Variants in ALS2 observed in about 807,000 individuals in gnomAD.
ALS2 encodes alsin Rho guanine nucleotide exchange factor ALS2, also known as alsin.
A neutral mutation model predicts 203.4 loss-of-function variants in ALS2; 117 were observed. The observed-to-expected ratio is 0.58, with a 90% CI of 0.50 to 0.67. ALS2 has a LOEUF of 0.67. Among genes scored for constraint, ALS2 ranks in the 30% least tolerant of loss-of-function variants. The pLI, the probability that ALS2 is intolerant of heterozygous loss-of-function variation, is 0.00. For missense variants in ALS2, 1,715 were observed against 1,989.4 expected, an observed-to-expected ratio of 0.86 and a Z score of 2.62; for synonymous variants, 718 against 725.9, an observed-to-expected ratio of 0.99 and a Z score of 0.17.
intron 9 of ALS2, among the ~76,000 whole-genome samples, chr2:201,744,671 C>T (rs548255020): frequency 6.7e-6 from 1 of 150,128 alleles, no homozygotes; most frequent in Non-Finnish European, 1.5e-5. Context: ...GCTGGTTCAT[C>T]AGTACATCAT....
chr2:201,733,013 G>C (rs1448004698), intron 13 of ALS2, among the ~76,000 whole-genome samples: 1 of 152,156 alleles, frequency 6.6e-6, no homozygotes, highest in East Asian at 1.9e-4. Context: ...GCATCTGATA[G>C]AGTCTCAACT....
At chr2:201,760,130 C>T (rs1693667422) in intron 4 of ALS2, 1 of 635,700 alleles carries the variant, frequency 1.6e-6, no homozygotes. Context: ...TGAGATGAGC[C>T]TGGGCAACAG....
At position 201,701,092 on chromosome 2, in the gene ALS2, T is replaced by C. The variant is rs910285918; in HGVS notation, c.*759A>G. ...AGCGTTTGCACATGGACAAATGAGG[T>C]TCCTAGCAGCTCAGAGTCGGTGTCT... On this transcript the variant is annotated 3_prime_UTR_variant, in exon 34 of 34. Transcript: ENST00000264276. The C allele has an allele frequency of 2.6e-5, 4 of 152,496 alleles. No individual in the cohort carries two copies. The highest frequency in any genetic ancestry group is 2.9e-5 in the Non-Finnish European group (2 of 68,000). 9.4% of individuals were successfully genotyped at this position (152,496 alleles called of 1,614,324 possible).
intron 25 of ALS2, among the ~76,000 whole-genome samples, chr2:201,714,329 C>G (rs950947118): frequency 2.0e-5 from 3 of 152,156 alleles, no homozygotes; most frequent in African/African-American, 7.2e-5. Flanking sequence ...CCTATGTGAC[C>G]CGCCCCCAGT....
intron 11 of ALS2, among the ~76,000 whole-genome samples, chr2:201,739,420 A>T (rs1559062670): frequency 6.6e-6 from 1 of 152,084 alleles, no homozygotes. Flanking sequence ...AATTTTCTGT[A>T]ATCTTCACTT....
chr2:201,711,254 C>T (rs970280769), intron 25 of ALS2, 146 bp from the exon 26 acceptor site: 6 of 626,714 alleles, frequency 9.6e-6, no homozygotes, highest in East Asian at 5.5e-5. Flanking sequence ...GAAATCATCA[C>T]GATCCTGCTA....
chr2:201,744,649 CT>C (rs529821491), intron 9 of ALS2, among the ~76,000 whole-genome samples: 3 of 151,580 alleles, frequency 2.0e-5, no homozygotes, highest in African/African-American at 4.9e-5. Flanking sequence ...GTCGGGGTCG[CT>C]TTTTTTTAGA....
chr2:201,750,215 CAACAAT>C (rs1349785297), intron 7 of ALS2, among the ~76,000 whole-genome samples: 4 of 151,396 alleles, frequency 2.6e-5, no homozygotes, highest in Admixed American at 1.3e-4. Context: ...ATTGAGGAGT[CAACAAT>C]AACAATAACA....
chr2:201,759,587 A>G (rs539548013), intron 4 of ALS2: 1 of 983,166 alleles, frequency 1.0e-6, no homozygotes, highest in East Asian at 1.1e-4. Context: ...TTCTACATGC[A>G]TTCTTGTTAA....
chr2:201,760,221 G>T, intron 4 of ALS2: 2 of 673,686 alleles, frequency 3.0e-6, no homozygotes, highest in Non-Finnish European at 3.7e-6. Context: ...TGAAATGGGA[G>T]GATCGCTTGA....
intron 1 of ALS2, among the ~76,000 whole-genome samples, chr2:201,772,498 T>C (rs1280319921): frequency 1.3e-5 from 2 of 152,252 alleles, no homozygotes; most frequent in Admixed American, 1.3e-4. Context: ...TTATCACTTT[T>C]ATCCCTTTAG....
rs186414770 is a variant in ALS2, at chr2:201,770,120, G to T, written c.-60-1175C>A. Among the ~76,000 whole-genome samples, 262 of 152,300 alleles carry T rather than the reference G, an allele frequency of 1.7e-3. 1 individual carries two copies. The highest frequency in any genetic ancestry group is 6.8e-3 in the Middle Eastern group (2 of 294). On this transcript the variant is annotated intron_variant, in intron 1 of 33. Transcript: ENST00000264276. Reference sequence around the variant, plus strand: ...CCTTTTGTAAAATGCACAGTTCATGGTGTACAGAGAAATTCTGCCACCAGA... The same window carrying T: ...CCTTTTGTAAAATGCACAGTTCATGTTGTACAGAGAAATTCTGCCACCAGA...
intron 14 of ALS2, 52 bp from the exon 15 acceptor site, chr2:201,728,692 C>T: frequency 6.3e-7 from 1 of 1,586,936 alleles, no homozygotes; most frequent in Non-Finnish European, 8.6e-7. Context: ...ATTATTTTAA[C>T]ATGTAAAGAG....
chr2:201,726,415 T>C, intron 19 of ALS2, 69 bp downstream of exon 19: 2 of 1,367,414 alleles, frequency 1.5e-6, no homozygotes, highest in Non-Finnish European at 2.1e-6. Context: ...CAGCTCTGCA[T>C]ACAAAATAAC....
At chr2:201,711,146 T>A (rs1690004270) in intron 25 of ALS2, 38 bp from the exon 26 acceptor site, 1 of 1,279,374 alleles carries the variant, frequency 7.8e-7, no homozygotes, top group African/African-American at 1.5e-5. Context: ...GTATTTCACA[T>A]CAAGAAAGCA....
chr2:201,761,865 T>A (rs1693792624), intron 3 of ALS2, 47 bp from the exon 4 acceptor site: 2 of 1,596,680 alleles, frequency 1.3e-6, no homozygotes, highest in Non-Finnish European at 1.7e-6. Flanking sequence ...GGTTAGTGAA[T>A]TAACTAAAAA....
intron 4 of ALS2, chr2:201,759,515 C>T (rs1222324414): frequency 1.1e-5 from 11 of 978,816 alleles, no homozygotes; most frequent in Admixed American, 6.2e-5. Flanking sequence ...GCATAAGTAA[C>T]AAAAACTTCC....
At chr2:201,755,482 C>G (rs1322601569) in intron 5 of ALS2, among the ~76,000 whole-genome samples, 4 of 152,192 alleles carry the variant, frequency 2.6e-5, no homozygotes, top group African/African-American at 9.7e-5. Context: ...AGGCTGTTCT[C>G]AAACTCCTGA....
chr2:201,764,816 CA>C (rs1693993906), intron 3 of ALS2, among the ~76,000 whole-genome samples: 1 of 152,140 alleles, frequency 6.6e-6, no homozygotes, highest in Admixed American at 6.5e-5. Context: ...GGTCCGTATG[CA>C]ATTTCAAACA....
Sources: allele counts gnomAD v4.1 joint callset (sites outside exome capture counted in the v4.1 genomes callset), GRCh38; gene constraint gnomAD v4.1.1; transcripts MANE v1.5; gene names NCBI Gene and HGNC (gene_info 2026-07-23, HGNC 2026-07-21).